Variants in TMEM184B observed in about 807,000 individuals in gnomAD.
TMEM184B encodes putative MAPK-activating protein FM08.
In TMEM184B, 17 loss-of-function variants were observed where a neutral mutation model predicts 41.8. The ratio of observed to expected loss-of-function variants is 0.41; its 90% CI spans 0.28 to 0.61. The LOEUF (loss-of-function observed/expected upper bound fraction) is 0.61. TMEM184B is among the 20% of genes least tolerant of loss of function. The pLI, the probability that TMEM184B is intolerant of heterozygous loss-of-function variation, is 0.34. For synonymous variants in TMEM184B, 240 were observed against 229.5 expected (o/e 1.05, Z -0.41); for missense variants, 393 against 557.8 (o/e 0.70, Z 2.98).
In TMEM184B at chr22:38,226,727, C is replaced by A; in HGVS notation, c.617+52G>T. ...TGCCCCCTTCCCTGAGCCAAGGCAC[C>A]AGCCTGCGCCAACACTCCTCCCACA... On this transcript the variant is annotated intron_variant, in intron 6 of 8. Coordinates refer to ENST00000361906, the MANE Select transcript of TMEM184B (RefSeq NM_012264.5). The surrounding 1 kb of genome is among the most constrained non-coding windows in gnomAD (Gnocchi z 4.6). 6.5e-7 allele frequency: 1 copy of A among 1,533,078 alleles called. No homozygotes were observed. The highest frequency in any genetic ancestry group is 8.8e-7 in the Non-Finnish European group (1 of 1,130,526). 95.0% of individuals were successfully genotyped at this position (1,533,078 alleles called of 1,614,324 possible). A position where few individuals can be genotyped will look rare whatever the true frequency, so the allele number is the denominator to read the frequency against.
chr22:38,262,683 G>A (rs2092388625), intron 1 of TMEM184B, among the ~76,000 whole-genome samples: 1 of 152,152 alleles, frequency 6.6e-6, no homozygotes, highest in Non-Finnish European at 1.5e-5. Flanking sequence ...GTGTCCAAGG[G>A]GCCCAGAGAG....
rs367826250 is a variant in TMEM184B, at chr22:38,247,887, G to A, written c.75C>T (p.Ser25=). ...PTTAAASPSV[S]VIPEGSPTAM... ...CAGTGGGGCTGCCCTCGGGGATCAC[G>A]GAGACGCTGGGCGAGGCTGCTGCGG... Residue 25 remains serine (S), a synonymous_variant, in exon 2 of 9, where the codon TCC becomes TCT. Transcript: ENST00000361906. 17 of 1,610,838 alleles carry A rather than the reference G, an allele frequency of 1.1e-5. No homozygotes were observed. The East Asian group carries it at 2.0e-4, about 19-fold the overall frequency.
chr22:38,250,110 T>C (rs1175315570), intron 1 of TMEM184B, among the ~76,000 whole-genome samples: 2 of 152,192 alleles, frequency 1.3e-5, no homozygotes, highest in Non-Finnish European at 2.9e-5. Flanking sequence ...CCCTTCCAAA[T>C]TCGCAAGCTG....
intron 1 of TMEM184B, among the ~76,000 whole-genome samples, chr22:38,268,118 C>T (rs560703816): frequency 1.3e-5 from 2 of 152,310 alleles, no homozygotes; most frequent in African/African-American, 4.8e-5. Context: ...CAGAGTGGCT[C>T]ACACCTGTAA....
At position 38,267,766 on chromosome 22, in the gene TMEM184B, TA is replaced by T. The variant is rs540057042; in HGVS notation, c.-59+5117del. Among the ~76,000 whole-genome samples the T allele has an allele frequency of 1.6e-3, 243 of 152,238 alleles. 1 individual carries two copies. Among genetic ancestry groups the T allele is most frequent in the African/African-American group, 5.5e-3 (228 of 41,548 alleles). ...CATTTTTCAAGAATAATTATAGCTT[TA>T]TCCTGAGTGGCAGTGCCACAAACCC... On this transcript the variant is annotated intron_variant, in intron 1 of 8. Transcript: ENST00000361906.
intron 1 of TMEM184B, among the ~76,000 whole-genome samples, chr22:38,270,528 T>C (rs1289975397): frequency 6.6e-6 from 1 of 152,168 alleles, no homozygotes; most frequent in African/African-American, 2.4e-5. Context: ...ACATATTTGT[T>C]ACACATTGGG....
intron 3 of TMEM184B, among the ~76,000 whole-genome samples, chr22:38,232,707 C>T (rs2091666597): frequency 6.6e-6 from 1 of 152,150 alleles, no homozygotes; most frequent in African/African-American, 2.4e-5. Context: ...TCCCTGGTGC[C>T]GCCCAGCTTG....
chr22:38,239,625 T>C lies in TMEM184B; in HGVS notation c.358+6310A>G, dbSNP rs1006134428. ...GTTAAAAGTCTCCACGTGGAGCCACTGCATTACAAGTTTCAACAGAGGCTG... is the reference window on the plus strand; with the variant it reads ...GTTAAAAGTCTCCACGTGGAGCCACCGCATTACAAGTTTCAACAGAGGCTG... On this transcript the variant is annotated intron_variant, in intron 3 of 8. Coordinates refer to ENST00000361906, the MANE Select transcript of TMEM184B (RefSeq NM_012264.5). This position sits in a 1 kb window ranked among gnomAD's most constrained non-coding sequence, Gnocchi z 4.6. The C allele has an allele frequency of 2.0e-5, 3 of 152,188 alleles. No homozygotes were observed. The highest frequency in any genetic ancestry group is 4.4e-5 in the Non-Finnish European group (3 of 68,048). The allele number at this position is 152,188 out of a possible 1,614,324, so 9.4% of individuals were successfully genotyped here. A position where few individuals can be genotyped will look rare whatever the true frequency, so the allele number is the denominator to read the frequency against.
chr22:38,234,025 T>G (rs2091705891), intron 3 of TMEM184B, among the ~76,000 whole-genome samples: 1 of 117,994 alleles, frequency 8.5e-6, no homozygotes, highest in Admixed American at 8.7e-5. Context: ...CACCTCGGCC[T>G]CCCAAAGTGC....
rs2091217076 is a variant in TMEM184B at position 38,220,049 on chromosome 22, G to A, written c.*1420C>T. ...AGGGTCCCTCTCCCTTACCCTACCA[G>A]CTTCTCCAGGTGACTGCAGCCCAAA... On this transcript the variant is annotated 3_prime_UTR_variant, in exon 9 of 9. Transcript: ENST00000361906. 1 of 985,426 alleles carries A rather than the reference G, an allele frequency of 1.0e-6. No homozygotes were observed. Among genetic ancestry groups the A allele is most frequent in the African/African-American group, 1.7e-5 (1 of 57,242 alleles). The allele number at this position is 985,426 out of a possible 1,614,324, so 61.0% of individuals were successfully genotyped here.
chr22:38,225,831 G>A lies in TMEM184B; in HGVS notation c.618-238C>T, dbSNP rs1191877488. Among the ~76,000 whole-genome samples, 1 of 152,204 alleles carries A rather than the reference G, an allele frequency of 6.6e-6. No homozygotes were observed. Among genetic ancestry groups the A allele is most frequent in the Non-Finnish European group, 1.5e-5 (1 of 68,042 alleles). ...CTGCGTGGCTCGTGGACTTGTCTAA[G>A]CCCTGGTGCCCACACTCCTAACGTT... On this transcript the variant is annotated intron_variant, in intron 6 of 8. Transcript: ENST00000361906. This position sits in a 1 kb window ranked among gnomAD's most constrained non-coding sequence, Gnocchi z 4.4.
In TMEM184B at chr22:38,220,619, T is replaced by C; in HGVS notation, c.*850A>G. ...CCCCAAAGAGAGAGAGGACCCAGCA[T>C]CAGCCTGGGAAGGAGGGCTGGGAGC... On this transcript the variant is annotated 3_prime_UTR_variant, in exon 9 of 9. Transcript: ENST00000361906. The C allele has an allele frequency of 1.0e-6, 1 of 986,144 alleles. No individual in the cohort carries two copies. The highest frequency in any genetic ancestry group is 1.2e-6 in the Non-Finnish European group (1 of 830,188). 61.1% of individuals were successfully genotyped at this position (986,144 alleles called of 1,614,324 possible). A position where few individuals can be genotyped will look rare whatever the true frequency, so the allele number is the denominator to read the frequency against.
chr22:38,242,653 G>A (rs892648130), intron 3 of TMEM184B, among the ~76,000 whole-genome samples: 29 of 151,910 alleles, frequency 1.9e-4, no homozygotes, highest in African/African-American at 6.1e-4. Context: ...TACAAGGATC[G>A]GGGGGGACTG....
chr22:38,230,782 G>A (rs773797814), intron 4 of TMEM184B, 38 bp from the exon 5 acceptor site: 2 of 1,588,768 alleles, frequency 1.3e-6, no homozygotes, highest in Non-Finnish European at 1.7e-6. Context: ...GGCAGTGAGT[G>A]AAGAGCCAGG....
chr22:38,258,189 C>T (rs1369673063), intron 1 of TMEM184B, among the ~76,000 whole-genome samples: 2 of 152,158 alleles, frequency 1.3e-5, no homozygotes, highest in Non-Finnish European at 1.5e-5. Context: ...GGGCCTGAGG[C>T]AGGTGACTGG....
At chr22:38,242,042 G>A (rs2091921749) in intron 3 of TMEM184B, among the ~76,000 whole-genome samples, 1 of 152,052 alleles carries the variant, frequency 6.6e-6, no homozygotes. Flanking sequence ...GAAAACAGCT[G>A]AAAGAGTTGA....
At chr22:38,231,384 C>G in intron 3 of TMEM184B, 50 bp from the exon 4 acceptor site, 1 of 1,453,246 alleles carries the variant, frequency 6.9e-7, no homozygotes, top group South Asian at 1.1e-5. Flanking sequence ...AGAATGGGTC[C>G]GCAGATGCTG....
At chr22:38,236,690 A>G (rs2091781979) in intron 3 of TMEM184B, among the ~76,000 whole-genome samples, 1 of 151,862 alleles carries the variant, frequency 6.6e-6, no homozygotes, top group South Asian at 2.1e-4. Flanking sequence ...GAGTTTTACC[A>G]TGTTGCCCAG....
rs2091441651 is a variant in TMEM184B at position 38,226,447 on chromosome 22, A to G, written c.617+332T>C. ...ACAATTTACACAGCACGGGCTTTGT[A>G]TCTGTGGACTTGAGCCGACCTCTTG... On this transcript the variant is annotated intron_variant, in intron 6 of 8. Transcript: ENST00000361906. This position sits in a 1 kb window ranked among gnomAD's most constrained non-coding sequence, Gnocchi z 4.6. The G allele has an allele frequency of 6.9e-6, 2 of 290,940 alleles. No individual in the cohort carries two copies. Among genetic ancestry groups the G allele is most frequent in the South Asian group, 8.0e-5 (2 of 25,142 alleles). 18.0% of individuals were successfully genotyped at this position (290,940 alleles called of 1,614,324 possible).
Sources: gnomAD v4.1 joint callset for allele counts (sites outside exome capture counted in the v4.1 genomes callset) on GRCh38, gnomAD v4.1.1 for gene constraint, Gnocchi (gnomAD v3.1) non-coding constraint, MANE v1.5 for transcripts, NCBI Gene and HGNC (gene_info 2026-07-23, HGNC 2026-07-21) for gene names.